Variants in BAZ1B observed in about 807,000 individuals in gnomAD.
The protein encoded by BAZ1B is bromodomain adjacent to zinc finger domain 1B.
In BAZ1B, 22 loss-of-function variants were observed where a neutral mutation model predicts 153.8. The observed-to-expected ratio is 0.14, with a 90% CI of 0.10 to 0.20. The LOEUF (loss-of-function observed/expected upper bound fraction) is 0.20. Ranked by LOEUF, BAZ1B falls within the 10% of genes least tolerant of loss-of-function variation. BAZ1B has a pLI of 1.00. For missense variants in BAZ1B, 1,325 were observed against 1,799.3 expected, an observed-to-expected ratio of 0.74 and a Z score of 4.77; for synonymous variants, 676 against 633.4, an observed-to-expected ratio of 1.07 and a Z score of -1.01.
intron 13 of BAZ1B, among the ~76,000 whole-genome samples, chr7:73,455,484 T>C (rs1202347480): frequency 6.6e-6 from 1 of 152,132 alleles, no homozygotes; most frequent in Non-Finnish European, 1.5e-5. Context: ...TAATACAAAA[T>C]TAAAAGACCA....
At chr7:73,464,060 C>G in intron 11 of BAZ1B, 1 of 892,766 alleles carries the variant, frequency 1.1e-6, no homozygotes, top group Non-Finnish European at 1.3e-6. Flanking sequence ...CAACACAATT[C>G]TGAATACAGT....
chr7:73,472,693 C>T (rs550999831), intron 7 of BAZ1B, among the ~76,000 whole-genome samples: 31 of 152,330 alleles, frequency 2.0e-4, no homozygotes, highest in African/African-American at 7.5e-4. Context: ...TCTCCTGCCG[C>T]AGCCTCCCAA....
chr7:73,504,507 C>CA (rs1554577516), intron 3 of BAZ1B, among the ~76,000 whole-genome samples: 2 of 151,884 alleles, frequency 1.3e-5, no homozygotes. Flanking sequence ...ACTAAAAATA[C>CA]AAAAAAATTA....
At chr7:73,500,119 C>T (rs1790066715) in intron 3 of BAZ1B, among the ~76,000 whole-genome samples, 2 of 152,162 alleles carry the variant, frequency 1.3e-5, no homozygotes, top group East Asian at 1.9e-4. Flanking sequence ...TCAATGTCTA[C>T]CCTTTAATTG....
At chr7:73,490,000 T>C (rs1789572395) in intron 5 of BAZ1B, among the ~76,000 whole-genome samples, 1 of 152,186 alleles carries the variant, frequency 6.6e-6, no homozygotes, top group Non-Finnish European at 1.5e-5. Flanking sequence ...GGGTTGAGAG[T>C]TATTACCTAA....
In BAZ1B at chr7:73,462,845, G is replaced by A. The variant is rs1554570580; in HGVS notation, c.3249+77C>T. ...ATTTCCAGGAGGGTCATGTTGGGAA[G>A]TCAAGAACAGCACCAGGGAAGAACT... On this transcript the variant is annotated intron_variant, in intron 12 of 19. Coordinates refer to ENST00000339594, the MANE Select transcript of BAZ1B (RefSeq NM_032408.4). 2.0e-6 allele frequency: 3 copies of A among 1,515,300 alleles called. No individual in the cohort carries two copies. In the East Asian group the frequency reaches 6.8e-5, roughly 34 times the overall value. The allele number at this position is 1,515,300 out of a possible 1,614,324, so 93.9% of individuals were successfully genotyped here.
intron 13 of BAZ1B, among the ~76,000 whole-genome samples, chr7:73,458,232 G>A (rs1788271689): frequency 6.6e-6 from 1 of 152,202 alleles, no homozygotes; most frequent in Non-Finnish European, 1.5e-5. Flanking sequence ...AGAGTAGTTG[G>A]TATCAGCAGA....
At chr7:73,445,807 G>A (rs1453320662) in intron 16 of BAZ1B, among the ~76,000 whole-genome samples, 2 of 152,114 alleles carry the variant, frequency 1.3e-5, no homozygotes, top group Admixed American at 6.5e-5. Flanking sequence ...GATACAGTGA[G>A]CAGTGATCAT....
At position 73,441,643 on chromosome 7, in the gene BAZ1B, C is replaced by T. The variant is rs1554564949; in HGVS notation, c.*66G>A. 1.3e-5 allele frequency: 2 copies of T among 153,184 alleles called. No homozygotes were observed. Among genetic ancestry groups the T allele is most frequent in the African/African-American group, 4.8e-5 (2 of 41,448 alleles). 9.5% of individuals were successfully genotyped at this position (153,184 alleles called of 1,614,324 possible). A position where few individuals can be genotyped will look rare whatever the true frequency, so the allele number is the denominator to read the frequency against. On this transcript the variant is annotated 3_prime_UTR_variant, in exon 20 of 20. Coordinates refer to ENST00000339594, the MANE Select transcript of BAZ1B (RefSeq NM_032408.4). ...TCAACTCAAAAGACCACAACTGTTT[C>T]ATGATGCTGGTGAATACACAATTCT...
chr7:73,496,818 C>T (rs898363055), intron 4 of BAZ1B, among the ~76,000 whole-genome samples: 2 of 151,896 alleles, frequency 1.3e-5, no homozygotes, highest in African/African-American at 4.8e-5. Flanking sequence ...GGGCTCTGAC[C>T]TCTCCTCCTC....
At position 73,442,573 on chromosome 7, in the gene BAZ1B, G is replaced by A; in HGVS notation, c.4095-20C>T. 6.3e-7 allele frequency: 1 copy of A among 1,597,912 alleles called. No individual in the cohort carries two copies. The highest frequency in any genetic ancestry group is 8.5e-7 in the Non-Finnish European group (1 of 1,170,108). ...GGCTCCCTGTGGAGAAGAACCAAATGGAGAATCTGCACAGCCTTGACGGCA... is the reference window on the plus strand; with the variant it reads ...GGCTCCCTGTGGAGAAGAACCAAATAGAGAATCTGCACAGCCTTGACGGCA... On this transcript the variant is annotated intron_variant, in intron 18 of 19. Coordinates refer to ENST00000339594, the MANE Select transcript of BAZ1B (RefSeq NM_032408.4).
At chr7:73,513,473 G>A (rs545542434) in intron 1 of BAZ1B, among the ~76,000 whole-genome samples, 1 of 152,160 alleles carries the variant, frequency 6.6e-6, no homozygotes, top group East Asian at 1.9e-4. Context: ...AAAATATATA[G>A]AATGTTTGAG....
At chr7:73,502,353 TCTA>T (rs1286450964) in intron 3 of BAZ1B, among the ~76,000 whole-genome samples, 4 of 149,924 alleles carry the variant, frequency 2.7e-5, no homozygotes, top group Non-Finnish European at 6.0e-5. Context: ...GTCCATCATA[TCTA>T]CTTTTTTTTT....
At position 73,466,331 on chromosome 7, in the gene BAZ1B, T is replaced by C. The variant is rs1005720347; in HGVS notation, c.2937A>G (p.Val979=). The C allele has an allele frequency of 6.2e-7, 1 of 1,613,852 alleles. No individual in the cohort carries two copies. ...GTCCTTGTTTGGGTGTGGTTGTCTC[T>C]ACAGCAACTTCTGTTGCTGTTCCAT... ...TQHGTATEVA[V]ETTTPKQGQN... is the part of the protein sequence containing the mutation. The change falls in exon 10 of 20, where the codon GTA becomes GTG. Residue 979 remains valine, a synonymous_variant. Transcript: ENST00000339594.
At chr7:73,517,649 C>T (rs1382501569) in intron 1 of BAZ1B, among the ~76,000 whole-genome samples, 3 of 152,234 alleles carry the variant, frequency 2.0e-5, no homozygotes, top group Non-Finnish European at 4.4e-5. Context: ...CTCAAATAAC[C>T]TCTCAGAGCA....
rs1789959755 is a variant in BAZ1B at position 73,497,441 on chromosome 7, T to C, written c.571+1056A>G. On this transcript the variant is annotated intron_variant, in intron 4 of 19. Coordinates refer to ENST00000339594, the MANE Select transcript of BAZ1B (RefSeq NM_032408.4). ...TCATATTTTTCTTGACTGAGAATGG[T>C]GCCAGGTATGGTCTGTGTAAGTTTT... 3.9e-5 allele frequency among the ~76,000 whole-genome samples: 6 copies of C among 152,324 alleles called. No individual in the cohort carries two copies. In the South Asian group the frequency reaches 1.2e-3, roughly 32 times the overall value.
chr7:73,472,502 C>A (rs1042476482), intron 7 of BAZ1B, among the ~76,000 whole-genome samples: 1 of 152,188 alleles, frequency 6.6e-6, no homozygotes, highest in Non-Finnish European at 1.5e-5. Flanking sequence ...AGGTGATCCG[C>A]CCACCTCAGC....
At position 73,522,013 on chromosome 7, in the gene BAZ1B, C is replaced by G; in HGVS notation, c.-80G>C. Reference sequence around the variant, plus strand: ...ACTAGGCCCCGCGGCCCGGAGCGAGCGCCAGGCGCCCGGGGGTGGGGTGGG... The same window carrying G: ...ACTAGGCCCCGCGGCCCGGAGCGAGGGCCAGGCGCCCGGGGGTGGGGTGGG... On this transcript the variant is annotated 5_prime_UTR_variant, in exon 1 of 20. Coordinates refer to ENST00000339594, the MANE Select transcript of BAZ1B (RefSeq NM_032408.4). 2.9e-6 allele frequency: 3 copies of G among 1,036,196 alleles called. No homozygotes were observed. Among genetic ancestry groups the G allele is most frequent in the Non-Finnish European group, 3.7e-6 (3 of 812,644 alleles). 64.2% of individuals were successfully genotyped at this position (1,036,196 alleles called of 1,614,324 possible).
At chr7:73,480,917 G>C (rs1001138233) in intron 6 of BAZ1B, among the ~76,000 whole-genome samples, 1 of 152,020 alleles carries the variant, frequency 6.6e-6, no homozygotes, top group African/African-American at 2.4e-5. Context: ...GTACTATAAA[G>C]CCATTTAAAT....
Sources: allele counts gnomAD v4.1 joint callset (sites outside exome capture counted in the v4.1 genomes callset), GRCh38; gene constraint gnomAD v4.1.1; transcripts MANE v1.5; gene names NCBI Gene and HGNC (gene_info 2026-07-23, HGNC 2026-07-21).